MAGI1: variants seen among roughly 807,000 people sequenced by gnomAD.
The protein encoded by MAGI1 is membrane-associated guanylate kinase, WW and PDZ domain-containing protein 1.
A neutral mutation model predicts 139.9 loss-of-function variants in MAGI1; 58 were observed. That is an observed-to-expected ratio of 0.41 (90% CI 0.34 to 0.52). MAGI1 has a LOEUF of 0.52. Among genes scored for constraint, MAGI1 ranks in the 20% least tolerant of loss-of-function variants. The probability of loss-of-function intolerance (pLI) is 0.12; values close to 1 mark genes in which losing one functional copy is unlikely to be tolerated. For missense variants in MAGI1, 1,874 were observed against 1,901.6 expected, an observed-to-expected ratio of 0.99 and a Z score of 0.27; for synonymous variants, 812 against 737.9, an observed-to-expected ratio of 1.10 and a Z score of -1.63.
intron 1 of MAGI1, 134 bp from the exon 2 acceptor site, chr3:65,622,222 C>A: frequency 1.4e-6 from 1 of 703,670 alleles, no homozygotes; most frequent in Non-Finnish European, 2.5e-6. Context: ...GGAGGATGTA[C>A]TTTAGGTTTT....
At chr3:65,508,170 G>A (rs1016834127) in intron 2 of MAGI1, among the ~76,000 whole-genome samples, 22 of 152,086 alleles carry the variant, frequency 1.4e-4, no homozygotes, top group Non-Finnish European at 1.9e-4. Flanking sequence ...TTGGGAGGCC[G>A]AGGCGGGCAG....
intron 2 of MAGI1, among the ~76,000 whole-genome samples, chr3:65,498,337 A>G (rs1475155363): frequency 6.6e-6 from 1 of 151,930 alleles, no homozygotes; most frequent in Admixed American, 6.6e-5. Context: ...CTTAGCCTAC[A>G]ATACTGCCTT....
chr3:65,780,730 G>C (rs565858319), intron 1 of MAGI1, among the ~76,000 whole-genome samples: 3 of 152,134 alleles, frequency 2.0e-5, no homozygotes, highest in Non-Finnish European at 2.9e-5. Flanking sequence ...TATAAAAAAC[G>C]TAGGAAAATT....
chr3:65,443,170 C>T lies in MAGI1; in HGVS notation c.1079-321G>A, dbSNP rs370338651. On this transcript the variant is annotated intron_variant, in intron 7 of 22. Coordinates refer to ENST00000402939, the MANE Select transcript of MAGI1 (RefSeq NM_001033057.2). Reference sequence around the variant, plus strand: ...CTTGCCTTGAATGCCTAGTTCCTATCTTAAATGTTTACGGTTTTCTCATTT... The same window carrying T: ...CTTGCCTTGAATGCCTAGTTCCTATTTTAAATGTTTACGGTTTTCTCATTT... Among the ~76,000 whole-genome samples, 9 of 152,242 alleles carry T rather than the reference C, an allele frequency of 5.9e-5. No individual in the cohort carries two copies. The East Asian group carries it at 1.4e-3, about 23-fold the overall frequency.
At chr3:65,629,668 C>G (rs1438047188) in intron 1 of MAGI1, among the ~76,000 whole-genome samples, 2 of 152,086 alleles carry the variant, frequency 1.3e-5, no homozygotes, top group African/African-American at 4.8e-5. Context: ...TTTATAGTCA[C>G]TCAAACTTAC....
chr3:65,492,888 C>G (rs936761971), intron 3 of MAGI1, among the ~76,000 whole-genome samples: 2 of 151,974 alleles, frequency 1.3e-5, no homozygotes, highest in African/African-American at 4.8e-5. Context: ...ACGATCCTGG[C>G]TAACACGGTG....
chr3:65,874,643 C>T (rs936674419), intron 1 of MAGI1: 4 of 152,166 alleles, frequency 2.6e-5, no homozygotes, highest in African/African-American at 9.7e-5. Context: ...AAACTGGATC[C>T]TTCATACACT....
chr3:65,359,161 G>A lies in MAGI1; in HGVS notation c.3635-2029C>T. 4 of 1,612,834 alleles carry A rather than the reference G, an allele frequency of 2.5e-6. No individual in the cohort carries two copies. In the South Asian group the frequency reaches 4.4e-5, roughly 18 times the overall value. Reference sequence around the variant, plus strand: ...ATTAGGAGGTATCATCGCTGTGGAAGGGAGGGCCCAGCACCAAGAACAGTC... The same window carrying A: ...ATTAGGAGGTATCATCGCTGTGGAAAGGAGGGCCCAGCACCAAGAACAGTC... On this transcript the variant is annotated intron_variant, in intron 22 of 22. Coordinates refer to ENST00000402939, the MANE Select transcript of MAGI1 (RefSeq NM_001033057.2).
chr3:65,603,320 T>C (rs2082566506), intron 2 of MAGI1, among the ~76,000 whole-genome samples: 1 of 152,150 alleles, frequency 6.6e-6, no homozygotes, highest in Admixed American at 6.5e-5. Context: ...AAAATGATAA[T>C]CTATGATTAA....
At chr3:65,901,249 T>C (rs570275877) in intron 1 of MAGI1, among the ~76,000 whole-genome samples, 11 of 152,078 alleles carry the variant, frequency 7.2e-5, no homozygotes, top group South Asian at 2.1e-4. Context: ...AAGAGCAAAA[T>C]AGCCCAGGGT....
chr3:65,792,108 C>G (rs2039816549), intron 1 of MAGI1, among the ~76,000 whole-genome samples: 2 of 151,928 alleles, frequency 1.3e-5, no homozygotes, highest in African/African-American at 4.8e-5. Flanking sequence ...ATAACAATAG[C>G]TAATCATAAT....
chr3:65,379,136 T>C, intron 17 of MAGI1, 125 bp downstream of exon 17: 1 of 1,548,086 alleles, frequency 6.5e-7, no homozygotes, highest in Non-Finnish European at 8.7e-7. Context: ...AAGTCTTTAA[T>C]TACCCAGAGC....
At chr3:66,018,116 G>GT (rs1245166534) in intron 1 of MAGI1, among the ~76,000 whole-genome samples, 4 of 137,210 alleles carry the variant, frequency 2.9e-5, no homozygotes, top group Non-Finnish European at 6.3e-5. Context: ...ACTTTGGTGG[G>GT]GGGGGGGGGT....
At chr3:65,551,832 A>G (rs560086882) in intron 2 of MAGI1, among the ~76,000 whole-genome samples, 2 of 152,354 alleles carry the variant, frequency 1.3e-5, no homozygotes, top group African/African-American at 4.8e-5. Flanking sequence ...TAAGAGAGTA[A>G]CATCACATTT....
rs2086684072 is a variant in MAGI1, at chr3:65,668,817, G to T, written c.314-46729C>A. On this transcript the variant is annotated intron_variant, in intron 1 of 22. Transcript: ENST00000402939. ...TCCACCTGCCTCGACCTCCCAAAGA[G>T]CTGGGATTACAGGTGTGAGCCACTG... 2.0e-5 allele frequency among the ~76,000 whole-genome samples: 3 copies of T among 151,678 alleles called. No homozygotes were observed. In the South Asian group the frequency reaches 6.2e-4, roughly 32 times the overall value.
chr3:65,680,792 TG>T (rs200739297), intron 1 of MAGI1, among the ~76,000 whole-genome samples: 1 of 136,848 alleles, frequency 7.3e-6, no homozygotes, highest in South Asian at 2.1e-4. Context: ...TGATATGATA[TG>T]ATATACTTTA....
In MAGI1 at chr3:65,614,044, G is replaced by A. The variant is rs144392539; in HGVS notation, c.430+7928C>T. On this transcript the variant is annotated intron_variant, in intron 2 of 22. Coordinates refer to ENST00000402939, the MANE Select transcript of MAGI1 (RefSeq NM_001033057.2). ...CATCAGTAAAGATAATGAGGAAACT[G>A]AGTCACAGGAAGCATGAGTAACCTG... 3.5e-3 allele frequency among the ~76,000 whole-genome samples: 529 copies of A among 152,274 alleles called. 2 individuals are homozygous for A. Among genetic ancestry groups the A allele is most frequent in the Non-Finnish European group, 5.8e-3 (393 of 68,008 alleles).
intron 2 of MAGI1, among the ~76,000 whole-genome samples, chr3:65,596,255 T>C (rs1211744936): frequency 6.6e-6 from 1 of 152,190 alleles, no homozygotes; most frequent in Non-Finnish European, 1.5e-5. Flanking sequence ...ACCATGTGCA[T>C]ATGGAATTTT....
At chr3:65,528,287 T>C (rs139634608) in intron 2 of MAGI1, among the ~76,000 whole-genome samples, 1 of 152,326 alleles carries the variant, frequency 6.6e-6, no homozygotes, top group African/African-American at 2.4e-5. Flanking sequence ...TATTGCAAAA[T>C]TTATCTAAGC....
Sources: allele counts gnomAD v4.1 joint callset (sites outside exome capture counted in the v4.1 genomes callset), GRCh38; gene constraint gnomAD v4.1.1; transcripts MANE v1.5; gene names NCBI Gene and HGNC (gene_info 2026-07-23, HGNC 2026-07-21).